The following TCF20 variants were observed in gnomAD, a reference collection of about 807,000 sequenced individuals.
The protein encoded by TCF20 is SPRE-binding protein.
A neutral mutation model predicts 148.6 loss-of-function variants in TCF20; 3 were observed. That is an observed-to-expected ratio of 0.02 (90% CI 0.01 to 0.05). TCF20 has a LOEUF of 0.05. Among genes scored for constraint, TCF20 ranks in the 10% least tolerant of loss-of-function variants. TCF20 has a pLI of 1.00. For synonymous variants in TCF20, 1,049 were observed against 909.5 expected, an observed-to-expected ratio of 1.15 and a Z score of -2.76; for missense variants, 2,350 against 2,429.3, an observed-to-expected ratio of 0.97 and a Z score of 0.69.
chr22:42,278,783 C>G (rs1453991967), intron 1 of TCF20: 1 of 152,284 alleles, frequency 6.6e-6, no homozygotes, highest in Non-Finnish European at 1.5e-5. Context: ...AATACGATGA[C>G]CATCCCCATG....
At chr22:42,251,114 C>G (rs1398935753) in intron 1 of TCF20, among the ~76,000 whole-genome samples, 1 of 152,172 alleles carries the variant, frequency 6.6e-6, no homozygotes, top group Non-Finnish European at 1.5e-5. Context: ...GGACACATAT[C>G]CAAACTATAT....
chr22:42,273,130 G>A (rs1048413809), upstream of TCF20, among the ~76,000 whole-genome samples: 1 of 151,736 alleles, frequency 6.6e-6, no homozygotes, highest in Non-Finnish European at 1.5e-5. Context: ...GAGGCCAAGG[G>A]GGGTGTATCA....
At chr22:42,233,041 C>A (rs1392075038) in intron 1 of TCF20, among the ~76,000 whole-genome samples, 1 of 152,078 alleles carries the variant, frequency 6.6e-6, no homozygotes, top group African/African-American at 2.4e-5. Flanking sequence ...CTGCCTCAGT[C>A]TCCCAAGTAG....
At chr22:42,224,941 G>C (rs1922729548) in intron 1 of TCF20, among the ~76,000 whole-genome samples, 1 of 151,680 alleles carries the variant, frequency 6.6e-6, no homozygotes, top group African/African-American at 2.4e-5. Flanking sequence ...CAGTGTTGTG[G>C]AAGTATTTTT....
At chr22:42,324,691 G>A (rs1046266355) in intron 1 of TCF20, among the ~76,000 whole-genome samples, 2 of 143,882 alleles carry the variant, frequency 1.4e-5, no homozygotes, top group South Asian at 2.3e-4. Context: ...TCCACCATTT[G>A]AGAAAAAATA....
intron 1 of TCF20, among the ~76,000 whole-genome samples, chr22:42,314,109 CG>C (rs1569207358): frequency 6.6e-6 from 1 of 152,186 alleles, no homozygotes; most frequent in Non-Finnish European, 1.5e-5. Context: ...CAGGGAGCCC[CG>C]TTCCTGAGGC....
intron 1 of TCF20, among the ~76,000 whole-genome samples, chr22:42,254,076 CAAAAAAAAAAA>C (rs528387021): frequency 2.4e-4 from 13 of 53,584 alleles, no homozygotes; most frequent in South Asian, 8.2e-4. Flanking sequence ...AACTCCCTTT[CAAAAAAAAAAA>C]AAAAAAAAAA....
chr22:42,210,927 G>T lies in TCF20; in HGVS notation c.4379C>A (p.Pro1460His). The change falls in exon 2 of 6, where the codon CCC becomes CAC. Residue 1460 changes from proline (P) to histidine (H), a missense_variant. By Grantham distance (77) the Pro-to-His change is moderately conservative (BLOSUM62 -2). Transcript: ENST00000677622. This position sits in a 1 kb window ranked among gnomAD's most constrained non-coding sequence, Gnocchi z 4.7. ...HAETVTAGKEPPGAMTSTTSQ... is the reference protein window; with the variant it reads ...HAETVTAGKEHPGAMTSTTSQ... Reference sequence around the variant, plus strand: ...GGTTGTGGATGTCATGGCACCAGGGGGTTCCTTTCCGGCAGTAACTGTTTC... The same window carrying T: ...GGTTGTGGATGTCATGGCACCAGGGTGTTCCTTTCCGGCAGTAACTGTTTC... 1 of 1,614,090 alleles carries T rather than the reference G, an allele frequency of 6.2e-7. No individual in the cohort carries two copies. The highest frequency in any genetic ancestry group is 8.5e-7 in the Non-Finnish European group (1 of 1,180,020).
At chr22:42,298,815 A>C (rs1927280728) in intron 1 of TCF20, among the ~76,000 whole-genome samples, 1 of 152,262 alleles carries the variant, frequency 6.6e-6, no homozygotes, top group African/African-American at 2.4e-5. Context: ...CCTGGAGGCC[A>C]GAGCAGCAGG....
intron 1 of TCF20, among the ~76,000 whole-genome samples, chr22:42,250,010 G>T (rs1447605014): frequency 6.6e-6 from 1 of 152,114 alleles, no homozygotes; most frequent in East Asian, 1.9e-4. Context: ...GTCAGTCCCG[G>T]CTACTAGGGA....
chr22:42,171,458 T>C (rs1366769744), intron 3 of TCF20, among the ~76,000 whole-genome samples: 2 of 152,308 alleles, frequency 1.3e-5, no homozygotes, highest in East Asian at 3.9e-4. Context: ...GACCCTTTTA[T>C]ATTTGGCCAG....
intron 1 of TCF20, among the ~76,000 whole-genome samples, chr22:42,341,072 G>A (rs1306638517): frequency 1.3e-5 from 2 of 152,136 alleles, no homozygotes; most frequent in African/African-American, 2.4e-5. Flanking sequence ...CGGCTGCCAG[G>A]AGCAGAGGCC....
intron 2 of TCF20, among the ~76,000 whole-genome samples, chr22:42,192,846 T>C (rs1937404713): frequency 6.6e-6 from 1 of 152,174 alleles, no homozygotes; most frequent in Non-Finnish European, 1.5e-5. Flanking sequence ...AATGGAAACT[T>C]TGGCACCCAA....
intron 1 of TCF20, chr22:42,269,612 C>T (rs971158775): frequency 6.6e-6 from 1 of 152,360 alleles, no homozygotes; most frequent in Non-Finnish European, 1.5e-5. Context: ...CTCAGGTCCC[C>T]AAACGAGCGC....
At chr22:42,324,163 ATGGTGGTGGTGATGGAGGTTATGGTGG>A (rs1927822890) in intron 1 of TCF20, among the ~76,000 whole-genome samples, 1 of 13,524 alleles carries the variant, frequency 7.4e-5, no homozygotes, top group African/African-American at 4.0e-4. Flanking sequence ...GGTTATGGTG[ATGGTGGTGGTGATGGAGGTTATGGTGG>A]TGGTGGTGGA....
chr22:42,327,076 C>G (rs1927888464), intron 1 of TCF20, among the ~76,000 whole-genome samples: 1 of 152,188 alleles, frequency 6.6e-6, no homozygotes, highest in African/African-American at 2.4e-5. Flanking sequence ...GACTCTAACC[C>G]TCGCGGCAAC....
chr22:42,209,881 T>G lies in TCF20; in HGVS notation c.5425A>C (p.Lys1809Gln), dbSNP rs528464118. 12 of 1,614,070 alleles carry G rather than the reference T, an allele frequency of 7.4e-6. No homozygotes were observed. The highest frequency in any genetic ancestry group is 5.1e-6 in the Non-Finnish European group (6 of 1,180,022). The change falls in exon 2 of 6, where the codon AAA becomes CAA. Residue 1809 changes from lysine (K) to glutamine (Q), a missense_variant. This residue lies in a region of TCF20 where 374 missense variants were observed against 398.3 expected (regional missense o/e 0.94). Coordinates refer to ENST00000677622, the MANE Select transcript of TCF20 (RefSeq NM_001378418.1). ...CTGCTGCCCTCAGTGGCTGCTTTTT[T>G]ACAAGGGAGCCCCCTGGACAGGGAC... ...PRSLSRGLPCKKAATEGSSEK... is the reference protein window; with the variant it reads ...PRSLSRGLPCQKAATEGSSEK...
intron 1 of TCF20, among the ~76,000 whole-genome samples, chr22:42,262,557 G>T (rs556759391): frequency 6.6e-6 from 1 of 152,250 alleles, no homozygotes; most frequent in South Asian, 2.1e-4. Context: ...GGCGCTAGAA[G>T]ACATCTAGCT....
chr22:42,276,048 C>T (rs1349214418), intron 1 of TCF20, among the ~76,000 whole-genome samples: 3 of 152,166 alleles, frequency 2.0e-5, no homozygotes, highest in Non-Finnish European at 4.4e-5. Context: ...AGTTCCTTTC[C>T]TTTGGGATTA....
Sources: gnomAD v4.1 joint callset for allele counts (sites outside exome capture counted in the v4.1 genomes callset) on GRCh38, gnomAD v4.1.1 for gene constraint, gnomAD v4.1.1 regional missense constraint, Gnocchi (gnomAD v3.1) non-coding constraint, MANE v1.5 for transcripts, NCBI Gene and HGNC (gene_info 2026-07-23, HGNC 2026-07-21) for gene names.